Variants in NLK observed in about 807,000 individuals in gnomAD.
NLK encodes the protein nemo like kinase.
A neutral mutation model predicts 59.0 loss-of-function variants in NLK; 11 were observed. That is an observed-to-expected ratio of 0.19 (90% CI 0.12 to 0.31). NLK has a LOEUF of 0.31. Among genes scored for constraint, NLK ranks in the 10% least tolerant of loss-of-function variants. The pLI, the probability that NLK is intolerant of heterozygous loss-of-function variation, is 1.00. For missense variants in NLK, 410 were observed against 661.1 expected, an observed-to-expected ratio of 0.62 and a Z score of 4.16; for synonymous variants, 235 against 235.9, an observed-to-expected ratio of 1.00 and a Z score of 0.03.
At chr17:28,134,665 C>G (rs987883425) in intron 3 of NLK, among the ~76,000 whole-genome samples, 1 of 152,118 alleles carries the variant, frequency 6.6e-6, no homozygotes, top group Admixed American at 6.5e-5. Flanking sequence ...ATCCACAGAT[C>G]CTTTATGGAG....
intron 8 of NLK, among the ~76,000 whole-genome samples, chr17:28,188,311 T>A (rs1006117728): frequency 1.1e-4 from 17 of 152,282 alleles, no homozygotes; most frequent in African/African-American, 4.1e-4. Context: ...GTTACTTTGT[T>A]ACAGAACTAT....
Position 28,141,677 on chromosome 17 carries a change from T to C in NLK, c.644+9002T>C, listed in dbSNP as rs150026076. ...AAAGCTCATTGTCTTTTGGAGAAAA[T>C]GTTAATATTCATTGTATTGGCAGTA... On this transcript the variant is annotated intron_variant, in intron 3 of 10. Transcript: ENST00000407008. Among the ~76,000 whole-genome samples the C allele has an allele frequency of 6.3e-4, 96 of 152,288 alleles. 2 individuals carry two copies. The Middle Eastern group carries it at 0.01, about 16-fold the overall frequency.
chr17:28,080,767 A>G (rs191218593), intron 1 of NLK, among the ~76,000 whole-genome samples: 8 of 152,306 alleles, frequency 5.3e-5, no homozygotes, highest in African/African-American at 1.9e-4. Context: ...CAGAAGACCA[A>G]ACATCCAAAA....
At chr17:28,127,108 TCTTTAGACAATA>T (rs1351931175) in intron 2 of NLK, among the ~76,000 whole-genome samples, 1 of 152,174 alleles carries the variant, frequency 6.6e-6, no homozygotes, top group East Asian at 1.9e-4. Flanking sequence ...ATTTTTCTTG[TCTTTAGACAATA>T]ACACTAAGTA....
chr17:28,176,505 C>T (rs1407146014), intron 7 of NLK, among the ~76,000 whole-genome samples: 3 of 152,110 alleles, frequency 2.0e-5, no homozygotes, highest in Non-Finnish European at 4.4e-5. Flanking sequence ...ATTACTATTC[C>T]TTTTTACAGA....
intron 1 of NLK, among the ~76,000 whole-genome samples, chr17:28,121,030 A>T (rs1906023389): frequency 6.6e-6 from 1 of 152,148 alleles, no homozygotes; most frequent in Non-Finnish European, 1.5e-5. Flanking sequence ...TCCTGTTCTA[A>T]ACTTTAATTA....
At chr17:28,116,722 C>A (rs1396343390) in intron 1 of NLK, among the ~76,000 whole-genome samples, 1 of 152,112 alleles carries the variant, frequency 6.6e-6, no homozygotes, top group African/African-American at 2.4e-5. Context: ...CCTTATAAAC[C>A]TAATGTGCAA....
At chr17:28,147,016 T>C (rs1250578592) in intron 3 of NLK, among the ~76,000 whole-genome samples, 1 of 152,210 alleles carries the variant, frequency 6.6e-6, no homozygotes, top group Admixed American at 6.5e-5. Flanking sequence ...GGCTTCTTTG[T>C]TCATTTACAT....
At chr17:28,110,909 A>G (rs945910834) in intron 1 of NLK, among the ~76,000 whole-genome samples, 1 of 149,826 alleles carries the variant, frequency 6.7e-6, no homozygotes, top group Non-Finnish European at 1.5e-5. Context: ...CAGTGGCGGG[A>G]TCTCGGCTCA....
chr17:28,125,762 G>C (rs1906264907), intron 2 of NLK, among the ~76,000 whole-genome samples: 1 of 152,162 alleles, frequency 6.6e-6, no homozygotes, highest in Admixed American at 6.5e-5. Flanking sequence ...TCCTATGTAA[G>C]GAGTGCGGTG....
chr17:28,156,150 T>C (rs945408109), intron 3 of NLK, among the ~76,000 whole-genome samples: 1 of 152,080 alleles, frequency 6.6e-6, no homozygotes, highest in African/African-American at 2.4e-5. Context: ...TGCAAAAATA[T>C]ATACAAAAAT....
At chr17:28,148,378 CTATT>C (rs796397638) in intron 3 of NLK, among the ~76,000 whole-genome samples, 7 of 152,118 alleles carry the variant, frequency 4.6e-5, no homozygotes, top group East Asian at 1.9e-4. Context: ...GGATATGAAT[CTATT>C]TAAGCATATA....
intron 4 of NLK, among the ~76,000 whole-genome samples, chr17:28,163,246 A>G (rs1214977214): frequency 6.6e-6 from 1 of 152,218 alleles, no homozygotes; most frequent in African/African-American, 2.4e-5. Flanking sequence ...CTAGCAATCT[A>G]AGGTTATTAG....
chr17:28,072,509 G>A (rs1910040895), intron 1 of NLK, among the ~76,000 whole-genome samples: 1 of 151,638 alleles, frequency 6.6e-6, no homozygotes, highest in Admixed American at 6.6e-5. Flanking sequence ...AAAACTTTTT[G>A]TAGAGACAGG....
At chr17:28,085,601 G>A (rs985101893) in intron 1 of NLK, among the ~76,000 whole-genome samples, 9 of 152,182 alleles carry the variant, frequency 5.9e-5, no homozygotes, top group Non-Finnish European at 8.8e-5. Flanking sequence ...GTAGCCAGGC[G>A]TAGTGGTGCG....
intron 1 of NLK, among the ~76,000 whole-genome samples, chr17:28,085,983 A>G (rs1211047559): frequency 6.6e-6 from 1 of 152,188 alleles, no homozygotes; most frequent in African/African-American, 2.4e-5. Context: ...CATCTATGAC[A>G]TCATATGACA....
intron 1 of NLK, 101 bp downstream of exon 1, chr17:28,043,432 A>C: frequency 9.1e-7 from 1 of 1,093,020 alleles, no homozygotes; most frequent in Non-Finnish European, 1.3e-6. Flanking sequence ...ACCAAGGTGC[A>C]GCAAGCTTCT....
chr17:28,111,898 T>TG (rs1416762590), intron 1 of NLK, among the ~76,000 whole-genome samples: 2,015 of 68,348 alleles, frequency 0.029, 24 homozygotes, highest in Non-Finnish European at 0.039. Flanking sequence ...GTGTGTGTGG[T>TG]GTGTGTGTGT....
downstream of NLK, among the ~76,000 whole-genome samples, chr17:28,199,690 CA>C (rs1909578442): frequency 2.7e-5 from 1 of 37,590 alleles, no homozygotes; most frequent in African/African-American, 9.6e-5. Context: ...AAAAACAAAA[CA>C]AAACAAAAAA....
Sources: gnomAD v4.1 joint callset for allele counts (sites outside exome capture counted in the v4.1 genomes callset) on GRCh38, gnomAD v4.1.1 for gene constraint, MANE v1.5 for transcripts, NCBI Gene and HGNC (gene_info 2026-07-23, HGNC 2026-07-21) for gene names.